ZC3H12B: variants seen among roughly 807,000 people sequenced by gnomAD.
ZC3H12B encodes zinc finger CCCH-type containing 12B, also known as probable ribonuclease ZC3H12B.
ZC3H12B carries 7 observed loss-of-function variants against 43.9 expected under a neutral mutation model. The ratio of observed to expected loss-of-function variants is 0.16; its 90% CI spans 0.09 to 0.30. The LOEUF (loss-of-function observed/expected upper bound fraction) is 0.30, where lower values mean the gene tolerates loss of function less well. ZC3H12B is among the 10% of genes least tolerant of loss of function. ZC3H12B has a pLI of 1.00. For missense variants in ZC3H12B, 475 were observed against 670.2 expected (o/e 0.71, Z 3.22); for synonymous variants, 222 against 241.7 (o/e 0.92, Z 0.76).
At chrX:65,320,584 T>G in the ZC3H12B span, among the ~76,000 whole-genome samples, 2 of 112,224 alleles carry the variant, frequency 1.8e-5, no homozygotes, top group Non-Finnish European at 3.8e-5. Flanking sequence ...AAAGTCTGAA[T>G]AGCCAAGGCA....
At chrX:65,219,575 G>A in the ZC3H12B span, among the ~76,000 whole-genome samples, 2 of 111,171 alleles carry the variant, frequency 1.8e-5, no homozygotes, top group Admixed American at 9.6e-5. Flanking sequence ...TCAAAGACAA[G>A]GCTTTTGAAT....
chrX:65,448,885 TAAAG>T (rs746465814), intron 3 of ZC3H12B, among the ~76,000 whole-genome samples: 87 of 55,105 alleles, frequency 1.6e-3, no homozygotes, highest in Non-Finnish European at 1.8e-3. Context: ...GGGAAATAAA[TAAAG>T]AAAGAAAGAG....
At chrX:65,209,416 C>G in the ZC3H12B span, among the ~76,000 whole-genome samples, 3 of 82,620 alleles carry the variant, frequency 3.6e-5, no homozygotes, top group Non-Finnish European at 6.9e-5. Context: ...ATCTTTATTT[C>G]TGCCTTCATT....
the ZC3H12B span, among the ~76,000 whole-genome samples, chrX:65,319,184 T>C: frequency 9.1e-6 from 1 of 110,214 alleles, no homozygotes; most frequent in African/African-American, 3.3e-5. Flanking sequence ...GCTAGCTAGA[T>C]TAATAAAGGG....
chrX:65,234,807 C>G, the ZC3H12B span, among the ~76,000 whole-genome samples: 2 of 111,641 alleles, frequency 1.8e-5, no homozygotes, highest in African/African-American at 6.5e-5. Flanking sequence ...GGTATTAAGG[C>G]CAGTATCCAT....
chrX:65,150,123 G>A, the ZC3H12B span, among the ~76,000 whole-genome samples: 4 of 110,254 alleles, frequency 3.6e-5, no homozygotes, highest in African/African-American at 1.3e-4. Context: ...TTTTAACTTT[G>A]TCATATCTCT....
chrX:65,187,655 CTTTTTTT>C, the ZC3H12B span, among the ~76,000 whole-genome samples: 1 of 96,147 alleles, frequency 1.0e-5, no homozygotes, highest in Non-Finnish European at 2.1e-5. Flanking sequence ...ATTGATTTTA[CTTTTTTT>C]TTTTTTTTAC....
At chrX:65,112,150 G>A in the ZC3H12B span, among the ~76,000 whole-genome samples, 598 of 112,053 alleles carry the variant, frequency 5.3e-3, 2 homozygotes, top group Middle Eastern at 9.2e-3. Context: ...TAATGGCCTG[G>A]ATAGAAGATC....
the ZC3H12B span, among the ~76,000 whole-genome samples, chrX:65,034,935 G>A: frequency 1.8e-5 from 2 of 112,715 alleles, no homozygotes; most frequent in African/African-American, 6.4e-5. Flanking sequence ...ATCAGGCCTG[G>A]GGGTCGCATC....
At chrX:65,173,664 C>T in the ZC3H12B span, among the ~76,000 whole-genome samples, 6 of 111,707 alleles carry the variant, frequency 5.4e-5, no homozygotes, top group Admixed American at 9.5e-5. Context: ...GCCTTTTGTG[C>T]ATCTATTGAG....
At chrX:65,283,107 T>A in the ZC3H12B span, among the ~76,000 whole-genome samples, 1 of 110,953 alleles carries the variant, frequency 9.0e-6, no homozygotes, top group African/African-American at 3.3e-5. Context: ...CAGCATCACA[T>A]CGAAAAGCTT....
At chrX:65,294,282 G>A in the ZC3H12B span, among the ~76,000 whole-genome samples, 1 of 111,545 alleles carries the variant, frequency 9.0e-6, no homozygotes. Context: ...GAAAGATATA[G>A]TCCCTTTCAG....
the ZC3H12B span, among the ~76,000 whole-genome samples, chrX:65,164,043 G>GA: frequency 8.9e-6 from 1 of 111,808 alleles, no homozygotes; most frequent in South Asian, 3.7e-4. Context: ...TCACTGCCCT[G>GA]AAAAATCAAT....
At chrX:65,157,575 C>T in the ZC3H12B span, among the ~76,000 whole-genome samples, 1 of 111,290 alleles carries the variant, frequency 9.0e-6, no homozygotes, top group Non-Finnish European at 1.9e-5. Context: ...TTTACTATAG[C>T]CATTCTCTCT....
At chrX:65,088,755 C>T in the ZC3H12B span, among the ~76,000 whole-genome samples, 2 of 110,889 alleles carry the variant, frequency 1.8e-5, no homozygotes, top group African/African-American at 3.3e-5. Flanking sequence ...TGGTTTTTTT[C>T]GCCTTCTGAA....
chrX:65,112,876 A>C, the ZC3H12B span, among the ~76,000 whole-genome samples: 4 of 112,051 alleles, frequency 3.6e-5, no homozygotes, highest in East Asian at 1.1e-3. Context: ...TCTGACTTTC[A>C]AGTCTTATTT....
chrX:65,447,375 T>C (rs2067392307), intron 3 of ZC3H12B, among the ~76,000 whole-genome samples: 1 of 111,619 alleles, frequency 9.0e-6, no homozygotes, highest in African/African-American at 3.3e-5. Flanking sequence ...CTGGCAAAAC[T>C]GGATAGAGAC....
intron 3 of ZC3H12B, among the ~76,000 whole-genome samples, chrX:65,481,550 G>C (rs1431029359): frequency 1.8e-5 from 2 of 111,307 alleles, no homozygotes; most frequent in African/African-American, 6.5e-5. Context: ...TTCCTGCAGG[G>C]AGCCTTCAAG....
the ZC3H12B span, chrX:65,271,914 T>C: frequency 1.4e-5 from 2 of 142,826 alleles, no homozygotes; most frequent in East Asian, 3.2e-4. Flanking sequence ...GAACAAGTGC[T>C]GTGAAAAGAA....
Sources: allele counts gnomAD v4.1 joint callset (sites outside exome capture counted in the v4.1 genomes callset), GRCh38; gene constraint gnomAD v4.1.1; transcripts MANE v1.5; gene names NCBI Gene and HGNC (gene_info 2026-07-23, HGNC 2026-07-21).